CCDC192: variants seen among roughly 807,000 people sequenced by gnomAD.
CCDC192 encodes coiled-coil domain-containing protein 192.
intron 5 of CCDC192, among the ~76,000 whole-genome samples, chr5:127,851,482 G>C (rs6883923): frequency 1.5e-3 from 232 of 152,048 alleles, no homozygotes; most frequent in African/African-American, 5.4e-3. Context: ...TTTTGAGATG[G>C]AGTCTCGCTC....
chr5:127,897,812 C>T (rs1464622527), intron 6 of CCDC192, among the ~76,000 whole-genome samples: 1 of 152,040 alleles, frequency 6.6e-6, no homozygotes, highest in East Asian at 1.9e-4. Flanking sequence ...AATGTTTCAA[C>T]TTCTCATGTA....
At chr5:127,917,208 A>C (rs907195858) in intron 6 of CCDC192, among the ~76,000 whole-genome samples, 1 of 152,224 alleles carries the variant, frequency 6.6e-6, no homozygotes, top group Non-Finnish European at 1.5e-5. Context: ...CATTGAATTG[A>C]AGAGTCAGGG....
At chr5:127,860,439 T>C (rs1214085627) in intron 5 of CCDC192, among the ~76,000 whole-genome samples, 2 of 152,232 alleles carry the variant, frequency 1.3e-5, no homozygotes, top group Admixed American at 6.5e-5. Context: ...GTAGGTTATG[T>C]ACTTGGAAAA....
chr5:127,881,010 T>C (rs1013789258), intron 6 of CCDC192, among the ~76,000 whole-genome samples: 22 of 152,182 alleles, frequency 1.4e-4, no homozygotes, highest in Admixed American at 1.2e-3. Context: ...GATACATACA[T>C]ACAGTGTAAT....
chr5:127,736,397 T>G (rs1440869015), intron 2 of CCDC192, among the ~76,000 whole-genome samples: 7 of 151,248 alleles, frequency 4.6e-5, no homozygotes, highest in East Asian at 1.9e-4. Context: ...TCTCTTTTTT[T>G]GTTGTGTCTC....
At chr5:127,788,860 G>A (rs963477343) in intron 3 of CCDC192, among the ~76,000 whole-genome samples, 8 of 152,084 alleles carry the variant, frequency 5.3e-5, no homozygotes, top group Non-Finnish European at 1.2e-4. Flanking sequence ...AATTTTTAAT[G>A]TGATGGTATT....
intron 5 of CCDC192, among the ~76,000 whole-genome samples, chr5:127,803,073 A>G (rs1215113594): frequency 6.6e-6 from 1 of 152,232 alleles, no homozygotes; most frequent in Non-Finnish European, 1.5e-5. Flanking sequence ...AAGAGTTTCT[A>G]AAGGAAACAT....
intron 3 of CCDC192, among the ~76,000 whole-genome samples, chr5:127,761,838 T>G (rs1046724371): frequency 6.6e-6 from 1 of 152,196 alleles, no homozygotes. Context: ...ATAAGTTATG[T>G]TTGACTCTAA....
At chr5:127,919,383 A>C (rs1580826977) in intron 6 of CCDC192, among the ~76,000 whole-genome samples, 1 of 152,184 alleles carries the variant, frequency 6.6e-6, no homozygotes, top group South Asian at 2.1e-4. Context: ...ATGTACTTAT[A>C]GTATTAATGT....
At chr5:127,777,082 A>G (rs1435379201) in intron 3 of CCDC192, among the ~76,000 whole-genome samples, 2 of 152,196 alleles carry the variant, frequency 1.3e-5, no homozygotes, top group East Asian at 1.9e-4. Context: ...CAGATCCCTG[A>G]GTGGTAGATC....
intron 3 of CCDC192, among the ~76,000 whole-genome samples, chr5:127,757,811 C>T (rs1410102481): frequency 1.3e-5 from 2 of 148,976 alleles, no homozygotes; most frequent in Non-Finnish European, 3.0e-5. Flanking sequence ...CTCTCTCTCT[C>T]TCTCTCTCAA....
At chr5:127,705,621 G>T (rs1750916617) in intron 1 of CCDC192, among the ~76,000 whole-genome samples, 1 of 152,086 alleles carries the variant, frequency 6.6e-6, no homozygotes, top group African/African-American at 2.4e-5. Flanking sequence ...GAATACAAAG[G>T]CAAGAAATAC....
At chr5:127,767,061 A>G (rs1755269109) in intron 3 of CCDC192, among the ~76,000 whole-genome samples, 1 of 152,216 alleles carries the variant, frequency 6.6e-6, no homozygotes, top group South Asian at 2.1e-4. Context: ...GACAGACTCA[A>G]AGATAGCAGA....
chr5:127,835,215 T>C (rs2085917685), intron 5 of CCDC192, among the ~76,000 whole-genome samples: 1 of 152,206 alleles, frequency 6.6e-6, no homozygotes, highest in African/African-American at 2.4e-5. Flanking sequence ...CTCAAATAAA[T>C]GTTATATTTA....
intron 6 of CCDC192, among the ~76,000 whole-genome samples, chr5:127,929,963 G>A (rs1339147444): frequency 6.6e-6 from 1 of 152,172 alleles, no homozygotes; most frequent in African/African-American, 2.4e-5. Flanking sequence ...CAACACTTTA[G>A]GAGGCCAAGG....
intron 6 of CCDC192, among the ~76,000 whole-genome samples, chr5:127,878,955 T>G (rs1752234638): frequency 6.7e-6 from 1 of 149,056 alleles, no homozygotes; most frequent in African/African-American, 2.5e-5. Context: ...GGTATTTTAT[T>G]CTCTTTGAAG....
intron 5 of CCDC192, among the ~76,000 whole-genome samples, chr5:127,831,589 A>G (rs1749799870): frequency 6.6e-6 from 1 of 152,138 alleles, no homozygotes. Context: ...CAACTTATGG[A>G]GGTATTAATC....
intron 5 of CCDC192, among the ~76,000 whole-genome samples, chr5:127,810,130 A>G (rs1207099151): frequency 6.6e-6 from 1 of 152,214 alleles, no homozygotes; most frequent in African/African-American, 2.4e-5. Flanking sequence ...AGATAATGCT[A>G]GCTTTTGTAA....
chr5:127,779,308 T>G (rs1250655016), intron 3 of CCDC192, among the ~76,000 whole-genome samples: 1 of 152,188 alleles, frequency 6.6e-6, no homozygotes, highest in Non-Finnish European at 1.5e-5. Context: ...GTAAAAATTT[T>G]TTTTTGAGAT....
Sources: gnomAD v4.1 joint callset for allele counts (sites outside exome capture counted in the v4.1 genomes callset) on GRCh38, gnomAD v4.1.1 for gene constraint, MANE v1.5 for transcripts, NCBI Gene and HGNC (gene_info 2026-07-23, HGNC 2026-07-21) for gene names.